Variants in CEP295NL observed in about 807,000 individuals in gnomAD.
CEP295NL encodes the protein protein DDC8 homolog.
A neutral mutation model predicts 4.6 loss-of-function variants in CEP295NL; 3 were observed. That is an observed-to-expected ratio of 0.65 (90% confidence interval 0.30 to 1.69). CEP295NL has a LOEUF of 1.69. Among genes scored for constraint, CEP295NL ranks in the 40% most tolerant of loss-of-function variants. The probability of loss-of-function intolerance (pLI) is 0.10; values close to 1 mark genes in which losing one functional copy is unlikely to be tolerated. For missense variants in CEP295NL, 719 were observed against 769.0 expected (o/e 0.93, Z 0.77); for synonymous variants, 295 against 312.2 (o/e 0.94, Z 0.58).
chr17:78,891,040 G>T lies in CEP295NL; in HGVS notation c.1464C>A (p.His488Gln), dbSNP rs2069883367. 14 of 1,551,184 alleles carry T rather than the reference G, an allele frequency of 9.0e-6. No homozygotes were observed. The highest frequency in any genetic ancestry group is 1.2e-5 in the Non-Finnish European group (14 of 1,147,128). The change falls in exon 3 of 3, where the codon CAC becomes CAA. Residue 488 changes from histidine (H) to glutamine (Q), a missense_variant. By Grantham distance (24) the His-to-Gln change is conservative. Transcript: ENST00000322630. This position sits in a 1 kb window ranked among gnomAD's most constrained non-coding sequence, Gnocchi z 4.5. ...GTLAEGSLQL[H>Q]LQDQADRVGS... ...CCACTCTGTCTGCCTGGTCTTGAAG[G>T]TGGAGCTGAAGGGAGCCCTCTGCCA...
Position 78,891,764 on chromosome 17 carries a change from C to G in CEP295NL, c.740G>C (p.Gly247Ala). The G allele has an allele frequency of 6.4e-7, 1 of 1,551,196 alleles. No individual in the cohort carries two copies. The change falls in exon 3 of 3, where the codon GGG becomes GCG. Residue 247 changes from glycine to alanine, a missense_variant. Gly to Ala is a moderately conservative substitution (Grantham distance 60, BLOSUM62 0). Coordinates refer to ENST00000322630, the MANE Select transcript of CEP295NL (RefSeq NM_001243540.2). The surrounding 1 kb of genome is among the most constrained non-coding windows in gnomAD (Gnocchi z 4.5). ...RCAIHPRRSK[G>A]ADLERSNPLV... is the part of the protein sequence containing the mutation. ...TGGGTTTGACCTTTCTAGGTCCGCC[C>G]CTTTGCTCCTCCGAGGATGGATGGC... is the stretch of plus-strand genomic sequence containing the variant.
chr17:78,892,299 G>T lies in CEP295NL; in HGVS notation c.205C>A (p.Pro69Thr), dbSNP rs1248622416. The T allele has an allele frequency of 1.3e-6, 2 of 1,550,646 alleles. No homozygotes were observed. The highest frequency in any genetic ancestry group is 2.4e-5 in the East Asian group (1 of 40,908). Residue 69 changes from proline (P) to threonine (T), a missense_variant, in exon 3 of 3, where the codon CCT becomes ACT. Transcript: ENST00000322630. ...MDGAMWLSLC[P>T]DNEDLLWRKK... is the part of the protein sequence containing the mutation. ...CTCCAAAGCAGGTCTTCGTTATCAGGACAGAGGCTCAGCCACATGGCTCCA... is the reference window on the plus strand; with the variant it reads ...CTCCAAAGCAGGTCTTCGTTATCAGTACAGAGGCTCAGCCACATGGCTCCA...
chr17:78,899,135 A>G (rs1271911617), intron 2 of CEP295NL: 1 of 152,256 alleles, frequency 6.6e-6, no homozygotes, highest in Non-Finnish European at 1.5e-5. Context: ...TGATGCTGCC[A>G]TCTGGGGGAC....
chr17:78,896,541 G>A lies in CEP295NL; in HGVS notation c.45-4082C>T, dbSNP rs922329174. On this transcript the variant is annotated intron_variant, in intron 2 of 2. Coordinates refer to ENST00000322630, the MANE Select transcript of CEP295NL (RefSeq NM_001243540.2). The surrounding 1 kb of genome is among the most constrained non-coding windows in gnomAD (Gnocchi z 4.4). ...TTCTAGAAGGGGCAGGGGTCCTGGC[G>A]CTCCTCTGTCCTCCACATCCTCTGA... is the stretch of plus-strand genomic sequence containing the variant. Among the ~76,000 whole-genome samples, 4 of 152,084 alleles carry A rather than the reference G, an allele frequency of 2.6e-5. No individual in the cohort carries two copies. The highest frequency in any genetic ancestry group is 5.9e-5 in the Non-Finnish European group (4 of 68,000).
rs1219471072 is a variant in CEP295NL at position 78,891,302 on chromosome 17, A to G, written c.1202T>C (p.Leu401Pro). The change falls in exon 3 of 3, where the codon CTG (leucine) becomes CCG (proline). Residue 401 changes from leucine (L) to proline (P), a missense_variant. Transcript: ENST00000322630. This position sits in a 1 kb window ranked among gnomAD's most constrained non-coding sequence, Gnocchi z 4.5. ...TGGGCTCCTGGGTTCCCCGGCAGGC[A>G]GCATCTCTGGGTCTGCCATTTTCTT... ...RGKKMADPEM[L>P]PAGEPRSPAE... 1 of 1,550,452 alleles carries G rather than the reference A, an allele frequency of 6.4e-7. No individual in the cohort carries two copies. The highest frequency in any genetic ancestry group is 2.4e-5 in the East Asian group (1 of 40,904).
intron 2 of CEP295NL, among the ~76,000 whole-genome samples, chr17:78,894,797 C>A (rs780152989): frequency 1.3e-5 from 2 of 151,656 alleles, no homozygotes; most frequent in African/African-American, 4.8e-5. Flanking sequence ...AACGGATAAG[C>A]TGAACATCAT....
chr17:78,897,873 G>A (rs989630624), intron 2 of CEP295NL: 4 of 152,196 alleles, frequency 2.6e-5, no homozygotes, highest in Admixed American at 6.5e-5. Flanking sequence ...CTGCTGTGTC[G>A]GTTTTCCTGG....
At chr17:78,897,105 C>A (rs1289261485) in intron 2 of CEP295NL, 2 of 552,714 alleles carry the variant, frequency 3.6e-6, no homozygotes, top group Non-Finnish European at 4.6e-6. Context: ...ACCCCCCCGC[C>A]CCCCGCCGGC....
chr17:78,901,731 G>A, intron 2 of CEP295NL, 54 bp downstream of exon 2: 2 of 717,318 alleles, frequency 2.8e-6, no homozygotes, highest in East Asian at 5.4e-5. Flanking sequence ...AGATGCCAGT[G>A]CTTGTCACCA....
intron 2 of CEP295NL, among the ~76,000 whole-genome samples, chr17:78,893,506 GGT>G (rs2069951016): frequency 1.3e-5 from 2 of 149,114 alleles, no homozygotes; most frequent in Non-Finnish European, 2.9e-5. Context: ...TGCGCGCAGG[GGT>G]GTGTGCGTGT....
chr17:78,891,643 G>A lies in CEP295NL; in HGVS notation c.861C>T (p.Cys287=). The A allele has an allele frequency of 6.4e-7, 1 of 1,550,966 alleles. No homozygotes were observed. The highest frequency in any genetic ancestry group is 8.7e-7 in the Non-Finnish European group (1 of 1,147,096). The change falls in exon 3 of 3, where the codon TGC becomes TGT. Residue 287 remains cysteine (C), a synonymous_variant. Transcript: ENST00000322630. The surrounding 1 kb of genome is among the most constrained non-coding windows in gnomAD (Gnocchi z 4.5). Reference sequence around the variant, plus strand: ...AGCGACTGGTCAGGGCTGGAACAAAGCAAACTGCCCCCTTTCCCAGTTGCC... The same window carrying A: ...AGCGACTGGTCAGGGCTGGAACAAAACAAACTGCCCCCTTTCCCAGTTGCC... The part of the protein sequence containing the change: ...GRRQLGKGAV[C]FVPALTSRSQ...
rs1299003032 is a variant in CEP295NL at position 78,893,568 on chromosome 17, G to A, written c.45-1109C>T. Among the ~76,000 whole-genome samples the A allele has an allele frequency of 2.6e-5, 4 of 151,992 alleles. No homozygotes were observed. In the East Asian group the frequency reaches 5.8e-4, roughly 22 times the overall value. ...ACATGCCTGCACATCTGTGTGTACA[G>A]GGGGGTGTACAGGTGTGTGTATGTA... On this transcript the variant is annotated intron_variant, in intron 2 of 2. Coordinates refer to ENST00000322630, the MANE Select transcript of CEP295NL (RefSeq NM_001243540.2).
In CEP295NL at chr17:78,896,441, A is replaced by G. The variant is rs557945561; in HGVS notation, c.45-3982T>C. ...TGGCAGGACACTTGCCAATGAAGACAGCCATGGTTCCAATCAGGGCCCTCG... is the reference window on the plus strand; with the variant it reads ...TGGCAGGACACTTGCCAATGAAGACGGCCATGGTTCCAATCAGGGCCCTCG... On this transcript the variant is annotated intron_variant, in intron 2 of 2. Coordinates refer to ENST00000322630, the MANE Select transcript of CEP295NL (RefSeq NM_001243540.2). The surrounding 1 kb of genome is among the most constrained non-coding windows in gnomAD (Gnocchi z 4.4). 6.6e-6 allele frequency among the ~76,000 whole-genome samples: 1 copy of G among 152,272 alleles called. No individual in the cohort carries two copies. Among genetic ancestry groups the G allele is most frequent in the South Asian group, 2.1e-4 (1 of 4,828 alleles).
At position 78,890,761 on chromosome 17, in the gene CEP295NL, G is replaced by A. The variant is rs1484792723; in HGVS notation, c.1743C>T (p.Asp581=). The change falls in exon 3 of 3, where the codon GAC becomes GAT. Residue 581 remains aspartate, a synonymous_variant. Coordinates refer to ENST00000322630, the MANE Select transcript of CEP295NL (RefSeq NM_001243540.2). ...TTSPSGTSLA[D]DDRHSQMIRD... Reference sequence around the variant, plus strand: ...GGATCATCTGACTGTGCCGGTCGTCGTCGGCGAGGCTGGTGCCCGATGGGG... The same window carrying A: ...GGATCATCTGACTGTGCCGGTCGTCATCGGCGAGGCTGGTGCCCGATGGGG... 18 of 1,550,524 alleles carry A rather than the reference G, an allele frequency of 1.2e-5. No individual in the cohort carries two copies. Among genetic ancestry groups the A allele is most frequent in the African/African-American group, 4.1e-5 (3 of 73,050 alleles).
chr17:78,894,063 T>C (rs374406664), intron 2 of CEP295NL, among the ~76,000 whole-genome samples: 11 of 152,218 alleles, frequency 7.2e-5, no homozygotes, highest in Middle Eastern at 3.2e-3. Context: ...TGAAGTCACA[T>C]GTAGTTGCAG....
intron 2 of CEP295NL, among the ~76,000 whole-genome samples, chr17:78,895,754 A>G (rs887829508): frequency 2.0e-5 from 3 of 152,170 alleles, no homozygotes; most frequent in African/African-American, 4.8e-5. Flanking sequence ...GAACGGCCAC[A>G]GGGATGTCCA....
At chr17:78,902,434 T>C (rs1037602990) in intron 1 of CEP295NL, among the ~76,000 whole-genome samples, 10 of 152,194 alleles carry the variant, frequency 6.6e-5, no homozygotes, top group Admixed American at 4.6e-4. Context: ...CTGGCTGTGT[T>C]AGCATCACCT....
In CEP295NL at chr17:78,896,105, C is replaced by T. The variant is rs542404102; in HGVS notation, c.45-3646G>A. ...GAAAATTGCAGCCAGCTCCATCCTT[C>T]AGGAATCGATCCCCGCTCTGACACC... is the stretch of plus-strand genomic sequence containing the variant. On this transcript the variant is annotated intron_variant, in intron 2 of 2. Coordinates refer to ENST00000322630, the MANE Select transcript of CEP295NL (RefSeq NM_001243540.2). The surrounding 1 kb of genome is among the most constrained non-coding windows in gnomAD (Gnocchi z 4.4). Among the ~76,000 whole-genome samples, 5 of 152,358 alleles carry T rather than the reference C, an allele frequency of 3.3e-5. No individual in the cohort carries two copies. Among genetic ancestry groups the T allele is most frequent in the Non-Finnish European group, 7.4e-5 (5 of 68,026 alleles).
At chr17:78,899,806 T>C (rs533300390) in intron 2 of CEP295NL, 2 of 152,354 alleles carry the variant, frequency 1.3e-5, no homozygotes, top group African/African-American at 2.4e-5. Context: ...TCCCCCAGGA[T>C]GCCCCAACCC....
Sources: gnomAD v4.1 joint callset for allele counts (sites outside exome capture counted in the v4.1 genomes callset) on GRCh38, gnomAD v4.1.1 for gene constraint, Gnocchi (gnomAD v3.1) non-coding constraint, MANE v1.5 for transcripts, NCBI Gene and HGNC (gene_info 2026-07-23, HGNC 2026-07-21) for gene names.